The following RFT1 variants were observed in gnomAD, a reference collection of about 807,000 sequenced individuals.
The protein encoded by RFT1 is RFT1 glycolipid translocator homolog.
RFT1 carries 43 observed loss-of-function variants against 62.2 expected under a neutral mutation model. That is an observed-to-expected ratio of 0.69 (90% confidence interval 0.54 to 0.89). The LOEUF (loss-of-function observed/expected upper bound fraction) is 0.89, where lower values mean the gene tolerates loss of function less well. Among genes scored for constraint, RFT1 ranks in the 40% least tolerant of loss-of-function variants. The pLI is 0.00. For synonymous variants in RFT1, 262 were observed against 264.6 expected, an observed-to-expected ratio of 0.99 and a Z score of 0.10; for missense variants, 605 against 649.9, an observed-to-expected ratio of 0.93 and a Z score of 0.75.
At chr3:53,110,873 C>T (rs1261662754) in intron 7 of RFT1, among the ~76,000 whole-genome samples, 1 of 152,124 alleles carries the variant, frequency 6.6e-6, no homozygotes, top group Non-Finnish European at 1.5e-5. Flanking sequence ...TTAAATCTCA[C>T]TTTTTAAATT....
chr3:53,093,009 A>C (rs1212026325), intron 11 of RFT1, among the ~76,000 whole-genome samples: 1 of 152,192 alleles, frequency 6.6e-6, no homozygotes, highest in Non-Finnish European at 1.5e-5. Context: ...GAATGAACAC[A>C]CATGGGCCTT....
At chr3:53,113,691 T>TA (rs1214543464) in intron 6 of RFT1, among the ~76,000 whole-genome samples, 1 of 152,224 alleles carries the variant, frequency 6.6e-6, no homozygotes, top group Non-Finnish European at 1.5e-5. Flanking sequence ...GTAATCCCTG[T>TA]AAAAAATATT....
intron 11 of RFT1, 92 bp downstream of exon 11, chr3:53,099,289 A>G: frequency 9.8e-7 from 1 of 1,016,952 alleles, no homozygotes; most frequent in Non-Finnish European, 1.6e-6. Context: ...CCATCTGTAA[A>G]TGCATGTTCA....
chr3:53,083,247 C>A, the RFT1 span, among the ~76,000 whole-genome samples: 1 of 145,428 alleles, frequency 6.9e-6, no homozygotes, highest in African/African-American at 2.5e-5. Context: ...AGCAGTGGCT[C>A]ACGCCTGTAA....
chr3:53,104,610 T>C (rs981509073), intron 9 of RFT1, among the ~76,000 whole-genome samples: 5 of 152,216 alleles, frequency 3.3e-5, no homozygotes, highest in Admixed American at 2.0e-4. Flanking sequence ...CATTCCAAAA[T>C]TATGATGATA....
chr3:53,100,355 C>T (rs1701277482), intron 10 of RFT1, among the ~76,000 whole-genome samples: 1 of 152,186 alleles, frequency 6.6e-6, no homozygotes, highest in Non-Finnish European at 1.5e-5. Flanking sequence ...TGATTCCCCC[C>T]TTTTAAGAGG....
chr3:53,116,106 T>C (rs1023181131), intron 6 of RFT1, among the ~76,000 whole-genome samples: 6 of 152,196 alleles, frequency 3.9e-5, no homozygotes, highest in African/African-American at 1.4e-4. Context: ...TTAAAGAAGA[T>C]GGAATTCTAC....
intron 12 of RFT1, 82 bp from the exon 13 acceptor site, chr3:53,092,152 G>A: frequency 1.3e-6 from 2 of 1,552,598 alleles, no homozygotes; most frequent in Non-Finnish European, 1.8e-6. Flanking sequence ...GACAGCTGTG[G>A]TTCCAGCTTC....
At chr3:53,106,376 C>A (rs1296156654) in intron 8 of RFT1, among the ~76,000 whole-genome samples, 1 of 152,170 alleles carries the variant, frequency 6.6e-6, no homozygotes, top group African/African-American at 2.4e-5. Flanking sequence ...AGTCAAGATA[C>A]AGAATGCTTC....
chr3:53,091,548 T>G lies in RFT1; in HGVS notation c.*355A>C. ...CTCTTTTTCTGGGCCAGATAATTAT[T>G]AACAGTTAACAATTAAGATATAGTT... is the stretch of plus-strand genomic sequence containing the variant. On this transcript the variant is annotated 3_prime_UTR_variant, in exon 13 of 13. Transcript: ENST00000296292. 3.5e-6 allele frequency: 1 copy of G among 289,786 alleles called. No homozygotes were observed. Among genetic ancestry groups the G allele is most frequent in the Admixed American group, 4.5e-5 (1 of 22,212 alleles). 18.0% of individuals were successfully genotyped at this position (289,786 alleles called of 1,614,324 possible). A position where few individuals can be genotyped will look rare whatever the true frequency, so the allele number is the denominator to read the frequency against.
chr3:53,069,239 C>T, the RFT1 span, among the ~76,000 whole-genome samples: 1 of 152,212 alleles, frequency 6.6e-6, no homozygotes, highest in South Asian at 2.1e-4. Flanking sequence ...TGTGCCCAGA[C>T]TGTGTTAGGT....
At chr3:53,112,614 G>A (rs1341141896) in intron 6 of RFT1, among the ~76,000 whole-genome samples, 7 of 152,234 alleles carry the variant, frequency 4.6e-5, no homozygotes, top group South Asian at 2.1e-4. Flanking sequence ...GTGGTGCTAC[G>A]TGTCTGTAAT....
intron 10 of RFT1, chr3:53,103,071 G>T: frequency 1.0e-6 from 1 of 979,658 alleles, no homozygotes; most frequent in Non-Finnish European, 1.2e-6. Context: ...TGGTTTCACA[G>T]CAGGTGTTTC....
At chr3:53,124,887 G>A (rs184019023) in intron 2 of RFT1, among the ~76,000 whole-genome samples, 15 of 152,212 alleles carry the variant, frequency 9.9e-5, no homozygotes, top group African/African-American at 3.1e-4. Flanking sequence ...CGGGAGCATC[G>A]CTTGAGCCCA....
chr3:53,082,193 T>C, the RFT1 span, among the ~76,000 whole-genome samples: 2 of 152,042 alleles, frequency 1.3e-5, no homozygotes, highest in Non-Finnish European at 2.9e-5. Context: ...AGGGAGGAAC[T>C]TGGCCAGCCG....
chr3:53,067,083 T>C, the RFT1 span, among the ~76,000 whole-genome samples: 3 of 152,224 alleles, frequency 2.0e-5, no homozygotes, highest in Admixed American at 6.5e-5. Flanking sequence ...ATCCCAGCAC[T>C]TTGGGAGGCC....
Position 53,089,125 on chromosome 3 carries a change from ACT to A in RFT1, c.*2776_*2777del, listed in dbSNP as rs1340696355. ...ACTCCAGCCTGGGCGACAGAGTGAG[ACT>A]CTGTCTCAATAAATAAATAAATAAA... On this transcript the variant is annotated 3_prime_UTR_variant, in exon 13 of 13. Coordinates refer to ENST00000296292, the MANE Select transcript of RFT1 (RefSeq NM_052859.4). 1 of 152,372 alleles carries A rather than the reference ACT, an allele frequency of 6.6e-6. No individual in the cohort carries two copies. The highest frequency in any genetic ancestry group is 1.5e-5 in the Non-Finnish European group (1 of 68,200). 9.4% of individuals were successfully genotyped at this position (152,372 alleles called of 1,614,324 possible).
intron 10 of RFT1, among the ~76,000 whole-genome samples, chr3:53,099,880 G>A (rs1459776712): frequency 2.0e-5 from 3 of 152,126 alleles, no homozygotes; most frequent in African/African-American, 4.8e-5. Context: ...CCAGCTACTC[G>A]GGAGGTTGAG....
At chr3:53,078,826 A>G in the RFT1 span, among the ~76,000 whole-genome samples, 3 of 152,174 alleles carry the variant, frequency 2.0e-5, no homozygotes, top group African/African-American at 7.2e-5. Context: ...CTTGGTATGC[A>G]CAGGCCCACT....
Sources: allele counts gnomAD v4.1 joint callset (sites outside exome capture counted in the v4.1 genomes callset), GRCh38; gene constraint gnomAD v4.1.1; transcripts MANE v1.5; gene names NCBI Gene and HGNC (gene_info 2026-07-23, HGNC 2026-07-21).